The following DPYD variants were observed in gnomAD, a reference collection of about 807,000 sequenced individuals.
The protein encoded by DPYD is dihydropyrimidine dehydrogenase.
DPYD carries 109 observed loss-of-function variants against 116.2 expected under a neutral mutation model. The observed-to-expected ratio is 0.94, with a 90% confidence interval of 0.80 to 1.10. The LOEUF is 1.10. DPYD is among the 50% of genes least tolerant of loss of function. DPYD has a pLI of 0.00. For missense variants in DPYD, 1,302 were observed against 1,254.5 expected (o/e 1.04, Z -0.57); for synonymous variants, 440 against 432.0 (o/e 1.02, Z -0.23).
chr1:97,781,357 G>A (rs1557956607), intron 3 of DPYD, among the ~76,000 whole-genome samples: 4 of 152,208 alleles, frequency 2.6e-5, no homozygotes, highest in Admixed American at 2.6e-4. Context: ...TATTTAGAGT[G>A]TAAGCATTAC....
chr1:97,612,040 T>C (rs1242770300), intron 8 of DPYD, among the ~76,000 whole-genome samples: 2 of 152,078 alleles, frequency 1.3e-5, no homozygotes, highest in Non-Finnish European at 2.9e-5. Flanking sequence ...GGCTCATGTG[T>C]AATCTGGGAC....
At chr1:97,582,129 G>A (rs1225799182) in intron 10 of DPYD, among the ~76,000 whole-genome samples, 1 of 152,172 alleles carries the variant, frequency 6.6e-6, no homozygotes, top group African/African-American at 2.4e-5. Flanking sequence ...AAAGAGTAAT[G>A]CAAGTTACAT....
At chr1:97,157,344 C>T (rs1044972951) in intron 20 of DPYD, among the ~76,000 whole-genome samples, 14 of 152,164 alleles carry the variant, frequency 9.2e-5, no homozygotes, top group African/African-American at 3.1e-4. Flanking sequence ...CTCATACACA[C>T]ATCACCTTTT....
In DPYD at chr1:97,079,122, G is replaced by A; in HGVS notation, c.2932C>T (p.His978Tyr). 2 of 1,613,556 alleles carry A rather than the reference G, an allele frequency of 1.2e-6. No individual in the cohort carries two copies. Among genetic ancestry groups the A allele is most frequent in the Non-Finnish European group, 1.7e-6 (2 of 1,179,648 alleles). The change falls in exon 23 of 23, where the codon CAC becomes TAC. Residue 978 changes from histidine (H) to tyrosine (Y), a missense_variant. Coordinates refer to ENST00000370192, the MANE Select transcript of DPYD (RefSeq NM_000110.4). ...YQAIQFDPETHLPTITDTCTG... is the reference protein window; with the variant it reads ...YQAIQFDPETYLPTITDTCTG... Reference sequence around the variant, plus strand: ...CAAGTGTCGGTTATGGTGGGCAGGTGGGTTTCTGGATCAAACTGTATAGCC... The same window carrying A: ...CAAGTGTCGGTTATGGTGGGCAGGTAGGTTTCTGGATCAAACTGTATAGCC...
intron 2 of DPYD, among the ~76,000 whole-genome samples, chr1:97,853,779 T>C (rs992847725): frequency 2.6e-5 from 4 of 152,202 alleles, no homozygotes; most frequent in African/African-American, 9.6e-5. Context: ...TAAGATTGCG[T>C]AGTTAACATA....
chr1:97,132,280 T>C (rs933477487), intron 20 of DPYD, among the ~76,000 whole-genome samples: 6 of 152,132 alleles, frequency 3.9e-5, no homozygotes, highest in Admixed American at 2.6e-4. Context: ...TTACTAATAA[T>C]AAAATTTTAT....
At chr1:97,677,422 CTTA>C (rs1660204180) in intron 8 of DPYD, among the ~76,000 whole-genome samples, 1 of 152,144 alleles carries the variant, frequency 6.6e-6, no homozygotes, top group African/African-American at 2.4e-5. Context: ...AAATTTTTCA[CTTA>C]TTACTGACCA....
intron 19 of DPYD, among the ~76,000 whole-genome samples, chr1:97,216,291 T>G (rs1660390541): frequency 1.3e-5 from 2 of 151,580 alleles, no homozygotes; most frequent in East Asian, 3.9e-4. Flanking sequence ...AGCTTTCGAA[T>G]TTTTTTTTTA....
chr1:97,660,907 ATC>A (rs1213717166), intron 8 of DPYD, among the ~76,000 whole-genome samples: 1 of 152,098 alleles, frequency 6.6e-6, no homozygotes, highest in African/African-American at 2.4e-5. Context: ...CATCTCAAAC[ATC>A]TGTTTTCTAC....
chr1:97,840,138 G>A (rs1669966422), intron 2 of DPYD, among the ~76,000 whole-genome samples: 1 of 151,966 alleles, frequency 6.6e-6, no homozygotes, highest in South Asian at 2.1e-4. Flanking sequence ...TAATGTTTGA[G>A]ATAAAGCTAT....
In DPYD at chr1:97,120,213, G is replaced by C. The variant is rs79414365; in HGVS notation, c.2623-21581C>G. Among the ~76,000 whole-genome samples, 914 of 152,272 alleles carry C rather than the reference G, an allele frequency of 6.0e-3. 5 individuals carry two copies. Among genetic ancestry groups the C allele is most frequent in the African/African-American group, 0.021 (880 of 41,560 alleles). On this transcript the variant is annotated intron_variant, in intron 20 of 22. Transcript: ENST00000370192. ...CTTGTTCTCACATTTGACACCAACT[G>C]AAATAGCCTTGCAGAACCTTTGTTT...
At chr1:97,786,255 A>G (rs994652110) in intron 3 of DPYD, among the ~76,000 whole-genome samples, 4 of 152,160 alleles carry the variant, frequency 2.6e-5, no homozygotes, top group African/African-American at 9.7e-5. Flanking sequence ...CAATTCTAAC[A>G]AACTTGATGA....
chr1:97,839,950 T>A (rs1336132292), intron 2 of DPYD, among the ~76,000 whole-genome samples: 1 of 152,212 alleles, frequency 6.6e-6, no homozygotes. Context: ...TTCATGTGTT[T>A]ATCGGCTATT....
chr1:97,662,712 T>G (rs1003274694), intron 8 of DPYD, among the ~76,000 whole-genome samples: 3 of 152,142 alleles, frequency 2.0e-5, no homozygotes, highest in Non-Finnish European at 4.4e-5. Flanking sequence ...CCTATTATCA[T>G]GAAAATCCCT....
chr1:97,287,982 T>G (rs1242345038), intron 18 of DPYD, among the ~76,000 whole-genome samples: 1 of 150,412 alleles, frequency 6.6e-6, no homozygotes, highest in Non-Finnish European at 1.5e-5. Context: ...AATAAAAGGA[T>G]GGAGGAAGAT....
At chr1:97,215,316 A>G (rs1037627600) in intron 19 of DPYD, among the ~76,000 whole-genome samples, 2 of 152,202 alleles carry the variant, frequency 1.3e-5, no homozygotes, top group East Asian at 3.9e-4. Context: ...TTTGGGTTGA[A>G]GCATTCATGA....
At chr1:97,331,665 A>G (rs2101163036) in intron 16 of DPYD, among the ~76,000 whole-genome samples, 1 of 152,312 alleles carries the variant, frequency 6.6e-6, no homozygotes, top group Non-Finnish European at 1.5e-5. Flanking sequence ...TAGAGCTAAT[A>G]AATTAAATTA....
chr1:97,774,745 C>T (rs879185123), intron 3 of DPYD: 13 of 186,036 alleles, frequency 7.0e-5, no homozygotes, highest in African/African-American at 1.9e-4. Flanking sequence ...GGAGAGCACA[C>T]GGAAACAGCA....
At position 97,317,783 on chromosome 1, in the gene DPYD, G is replaced by A. The variant is rs527527911; in HGVS notation, c.2059-11486C>T. On this transcript the variant is annotated intron_variant, in intron 16 of 22. Transcript: ENST00000370192. ...GATGAAGAGAGTCTAGGGAAGTCAC[G>A]CTTCTGTCCTGGGAATGTTATGAAA... 2.0e-5 allele frequency among the ~76,000 whole-genome samples: 3 copies of A among 152,052 alleles called. No individual in the cohort carries two copies. The South Asian group carries it at 6.2e-4, about 32-fold the overall frequency.
Sources: gnomAD v4.1 joint callset for allele counts (sites outside exome capture counted in the v4.1 genomes callset) on GRCh38, gnomAD v4.1.1 for gene constraint, MANE v1.5 for transcripts, NCBI Gene and HGNC (gene_info 2026-07-23, HGNC 2026-07-21) for gene names.